The following CPNE4 variants were observed in gnomAD, a reference collection of about 807,000 sequenced individuals.
CPNE4 encodes copine-4.
CPNE4 carries 25 observed loss-of-function variants against 67.9 expected under a neutral mutation model. That is an observed-to-expected ratio of 0.37 (90% CI 0.27 to 0.51). CPNE4 has a LOEUF of 0.51. Among genes scored for constraint, CPNE4 ranks in the 20% least tolerant of loss-of-function variants. The pLI is 0.93. For synonymous variants in CPNE4, 242 were observed against 244.9 expected, an observed-to-expected ratio of 0.99 and a Z score of 0.11; for missense variants, 464 against 690.8, an observed-to-expected ratio of 0.67 and a Z score of 3.68.
At chr3:131,797,782 C>T (rs1351619601) in intron 2 of CPNE4, among the ~76,000 whole-genome samples, 1 of 152,192 alleles carries the variant, frequency 6.6e-6, no homozygotes, top group African/African-American at 2.4e-5. Flanking sequence ...TACATCAAAA[C>T]TCACTGAATG....
chr3:131,731,866 C>T (rs561833883), intron 2 of CPNE4, among the ~76,000 whole-genome samples: 2 of 152,244 alleles, frequency 1.3e-5, no homozygotes, highest in Admixed American at 1.3e-4. Context: ...ATTTAATTGG[C>T]CTGGAGATTC....
At chr3:131,641,679 A>C (rs2079544737) in intron 7 of CPNE4, among the ~76,000 whole-genome samples, 1 of 152,188 alleles carries the variant, frequency 6.6e-6, no homozygotes, top group Non-Finnish European at 1.5e-5. Flanking sequence ...GAGGAAAAGA[A>C]GTCATTATAC....
chr3:131,694,616 G>A (rs954818054), intron 5 of CPNE4, among the ~76,000 whole-genome samples: 1 of 152,152 alleles, frequency 6.6e-6, no homozygotes, highest in South Asian at 2.1e-4. Flanking sequence ...AGGCCACCGA[G>A]CATCTCCCTT....
At chr3:131,868,529 T>G (rs1052613357) in intron 2 of CPNE4, among the ~76,000 whole-genome samples, 1 of 152,172 alleles carries the variant, frequency 6.6e-6, no homozygotes, top group Non-Finnish European at 1.5e-5. Context: ...GTGAAAAAAA[T>G]AAATTTATGT....
chr3:131,745,415 C>T (rs9871139), intron 2 of CPNE4, among the ~76,000 whole-genome samples: 1 of 151,780 alleles, frequency 6.6e-6, no homozygotes, highest in African/African-American at 2.4e-5. Context: ...CAAAGCTTTA[C>T]ATTTTGAGAA....
intron 2 of CPNE4, among the ~76,000 whole-genome samples, chr3:131,805,279 G>A (rs556597240): frequency 3.3e-5 from 5 of 152,300 alleles, no homozygotes; most frequent in East Asian, 3.9e-4. Flanking sequence ...TTTTGCAGAT[G>A]TATGAGATAG....
At chr3:131,840,871 A>T (rs890288876) in intron 2 of CPNE4, among the ~76,000 whole-genome samples, 4 of 152,048 alleles carry the variant, frequency 2.6e-5, no homozygotes, top group East Asian at 1.9e-4. Flanking sequence ...TTCTTGAGGA[A>T]ACTTCTCAAG....
At chr3:131,860,751 C>T (rs1401660528) in intron 2 of CPNE4, among the ~76,000 whole-genome samples, 1 of 152,166 alleles carries the variant, frequency 6.6e-6, no homozygotes, top group East Asian at 1.9e-4. Context: ...AATAAAGTAA[C>T]TACCTATCGT....
chr3:131,675,110 G>T (rs1383715509), intron 6 of CPNE4, among the ~76,000 whole-genome samples: 1 of 151,920 alleles, frequency 6.6e-6, no homozygotes, highest in Non-Finnish European at 1.5e-5. Flanking sequence ...CCATGTATTT[G>T]TACAGTTTCC....
At chr3:131,582,349 G>C (rs1245313030) in intron 8 of CPNE4, among the ~76,000 whole-genome samples, 1 of 152,126 alleles carries the variant, frequency 6.6e-6, no homozygotes, top group Admixed American at 6.6e-5. Flanking sequence ...GGGAACTAAG[G>C]GGAATAGGTC....
intron 2 of CPNE4, among the ~76,000 whole-genome samples, chr3:131,772,971 C>A (rs1224899593): frequency 6.6e-6 from 1 of 152,056 alleles, no homozygotes; most frequent in Admixed American, 6.6e-5. Flanking sequence ...CTATTTAAAC[C>A]TTTTTAGAAT....
intron 2 of CPNE4, among the ~76,000 whole-genome samples, chr3:131,793,156 A>G (rs960098034): frequency 6.6e-6 from 1 of 152,070 alleles, no homozygotes; most frequent in Non-Finnish European, 1.5e-5. Flanking sequence ...ACACCTTAAT[A>G]ACATTTCTCA....
rs144203853 is a variant in CPNE4 at position 131,711,043 on chromosome 3, G to T, written c.361-11063C>A. Among the ~76,000 whole-genome samples, 774 of 152,256 alleles carry T rather than the reference G, an allele frequency of 5.1e-3. 6 individuals carry two copies. Among genetic ancestry groups the T allele is most frequent in the African/African-American group, 0.017 (691 of 41,536 alleles). ...CTTACTAAATACTAGCTATGAAAAT[G>T]ATTATCATCAAGTGGTCGTAAAATA... On this transcript the variant is annotated intron_variant, in intron 3 of 15. Coordinates refer to ENST00000429747, the MANE Select transcript of CPNE4 (RefSeq NM_130808.3).
chr3:131,680,171 A>AT (rs2080704853), intron 6 of CPNE4, among the ~76,000 whole-genome samples: 1 of 151,158 alleles, frequency 6.6e-6, no homozygotes, highest in African/African-American at 2.4e-5. Context: ...AACTTTTACC[A>AT]TTATGTAATG....
intron 10 of CPNE4, among the ~76,000 whole-genome samples, chr3:131,570,721 A>G: frequency 6.6e-6 from 1 of 151,926 alleles, no homozygotes; most frequent in Non-Finnish European, 1.5e-5. Context: ...AGTGCCCTTG[A>G]CCTCCCAAAA....
At chr3:131,545,463 T>C (rs1341644086) in intron 14 of CPNE4, among the ~76,000 whole-genome samples, 1 of 152,206 alleles carries the variant, frequency 6.6e-6, no homozygotes, top group Non-Finnish European at 1.5e-5. Context: ...TTTTTCACTA[T>C]AAGTGTAATC....
chr3:131,909,171 A>G (rs1280322247), intron 1 of CPNE4, among the ~76,000 whole-genome samples: 1 of 152,194 alleles, frequency 6.6e-6, no homozygotes, highest in Non-Finnish European at 1.5e-5. Flanking sequence ...GGATTCATAC[A>G]CATGAGCCAA....
chr3:132,010,183 AAT>A (rs2073718545), intron 1 of CPNE4, among the ~76,000 whole-genome samples: 1 of 152,178 alleles, frequency 6.6e-6, no homozygotes, highest in Admixed American at 6.5e-5. Context: ...AACTTCAGTG[AAT>A]CTCAGTTTCC....
chr3:131,690,921 G>A (rs115265046), intron 5 of CPNE4, among the ~76,000 whole-genome samples: 2,707 of 152,206 alleles, frequency 0.018, 91 homozygotes, highest in African/African-American at 0.062. Flanking sequence ...CTCAAAAGAC[G>A]ACCCGCAAGT....
Sources: allele counts gnomAD v4.1 joint callset (sites outside exome capture counted in the v4.1 genomes callset), GRCh38; gene constraint gnomAD v4.1.1; transcripts MANE v1.5; gene names NCBI Gene and HGNC (gene_info 2026-07-23, HGNC 2026-07-21).